SLC30A8: variants seen among roughly 807,000 people sequenced by gnomAD.
The protein encoded by SLC30A8 is solute carrier family 30 member 8.
SLC30A8 carries 27 observed loss-of-function variants against 36.9 expected under a neutral mutation model. The observed-to-expected ratio is 0.73, with a 90% CI of 0.54 to 1.01. The LOEUF is 1.01. SLC30A8 is among the 50% of genes least tolerant of loss of function. The probability of loss-of-function intolerance (pLI) is 0.00; values close to 1 mark genes in which losing one functional copy is unlikely to be tolerated. For missense variants in SLC30A8, 439 were observed against 452.0 expected (o/e 0.97, Z 0.26); for synonymous variants, 164 against 172.4 (o/e 0.95, Z 0.38).
At chr8:117,158,410 T>A (rs1244995903) in intron 4 of SLC30A8, among the ~76,000 whole-genome samples, 1 of 152,226 alleles carries the variant, frequency 6.6e-6, no homozygotes, top group Non-Finnish European at 1.5e-5. Flanking sequence ...TTGCAACATT[T>A]CCATAAAATG....
chr8:116,951,785 A>T (rs144320755), intron 1 of SLC30A8, among the ~76,000 whole-genome samples: 1 of 151,978 alleles, frequency 6.6e-6, no homozygotes, highest in Non-Finnish European at 1.5e-5. Flanking sequence ...GGTGCCAGCC[A>T]CTGTTCTAGG....
chr8:116,994,061 A>G (rs975906960), intron 1 of SLC30A8, among the ~76,000 whole-genome samples: 1 of 151,998 alleles, frequency 6.6e-6, no homozygotes, highest in African/African-American at 2.4e-5. Context: ...AAAAAAAAGA[A>G]AGAAAAAAAG....
intron 2 of SLC30A8, among the ~76,000 whole-genome samples, chr8:117,087,243 A>G (rs1295822545): frequency 6.6e-6 from 1 of 152,216 alleles, no homozygotes; most frequent in African/African-American, 2.4e-5. Flanking sequence ...CATTAGTAGG[A>G]AAAGAGAAAC....
chr8:116,957,937 C>G (rs752865948), intron 1 of SLC30A8, among the ~76,000 whole-genome samples: 1 of 152,164 alleles, frequency 6.6e-6, no homozygotes, highest in Non-Finnish European at 1.5e-5. Context: ...CTGAGGGCAG[C>G]CCTGTGTCCT....
chr8:116,951,785 A>C lies in SLC30A8; in HGVS notation c.-266+666A>C, dbSNP rs144320755. On this transcript the variant is annotated intron_variant, in intron 1 of 10. Coordinates refer to the SLC30A8 transcript ENST00000427715. The stretch of plus-strand genomic sequence containing the variant: ...TTGTTGTGTCTACGGGGTGCCAGCC[A>C]CTGTTCTAGGTATGTGTTGAGCATC... 6.9e-3 allele frequency among the ~76,000 whole-genome samples: 1,044 copies of C among 152,096 alleles called. 4 individuals carry two copies. Among genetic ancestry groups the C allele is most frequent in the Non-Finnish European group, 0.011 (735 of 67,996 alleles).
intron 1 of SLC30A8, among the ~76,000 whole-genome samples, chr8:116,958,495 T>A (rs1283776654): frequency 6.6e-6 from 1 of 152,204 alleles, no homozygotes; most frequent in Non-Finnish European, 1.5e-5. Flanking sequence ...TTAAAGATGA[T>A]TCTTCACTGT....
At chr8:117,015,547 C>CCG in intron 1 of SLC30A8, among the ~76,000 whole-genome samples, 3 of 141,906 alleles carry the variant, frequency 2.1e-5, no homozygotes, top group Admixed American at 2.1e-4. Flanking sequence ...CCCCCCCCCC[C>CCG]CAAAAAAAAG....
At chr8:117,130,426 T>C (rs1355074007), upstream of SLC30A8, 2 of 151,934 alleles carry the variant, frequency 1.3e-5, no homozygotes, top group African/African-American at 4.8e-5. Flanking sequence ...TTCCCAAAGA[T>C]GAATTATGAT....
intron 1 of SLC30A8, among the ~76,000 whole-genome samples, chr8:117,024,129 G>T (rs750761023): frequency 4.6e-5 from 7 of 152,152 alleles, no homozygotes; most frequent in South Asian, 2.1e-4. Context: ...TTTGCTGTTG[G>T]ATAGATATTG....
intron 2 of SLC30A8, among the ~76,000 whole-genome samples, chr8:117,109,957 C>A (rs537439353): frequency 3.3e-5 from 5 of 152,158 alleles, no homozygotes; most frequent in Non-Finnish European, 7.4e-5. Flanking sequence ...CTTAGAATTA[C>A]GCTTTCTTTA....
chr8:116,972,068 A>T (rs1158155854), intron 1 of SLC30A8, among the ~76,000 whole-genome samples: 1 of 152,234 alleles, frequency 6.6e-6, no homozygotes, highest in Non-Finnish European at 1.5e-5. Flanking sequence ...CTTATTTCAA[A>T]TACTATAAAA....
chr8:117,014,364 A>G (rs1213992125), intron 1 of SLC30A8, among the ~76,000 whole-genome samples: 1 of 152,220 alleles, frequency 6.6e-6, no homozygotes, highest in Non-Finnish European at 1.5e-5. Context: ...TGAGCCTATC[A>G]TCTTTGAGGA....
intron 2 of SLC30A8, among the ~76,000 whole-genome samples, chr8:117,041,643 C>A (rs1256742775): frequency 6.6e-6 from 1 of 151,874 alleles, no homozygotes. Context: ...GAGCTGAGAT[C>A]AGGCCATTGC....
chr8:116,984,710 T>C (rs1049891953), intron 1 of SLC30A8, among the ~76,000 whole-genome samples: 1 of 152,080 alleles, frequency 6.6e-6, no homozygotes, highest in African/African-American at 2.4e-5. Context: ...AACTGCCGAG[T>C]TTTGAGAGCT....
chr8:116,994,055 AAAAG>A (rs943161757), intron 1 of SLC30A8, among the ~76,000 whole-genome samples: 12 of 151,972 alleles, frequency 7.9e-5, no homozygotes, highest in African/African-American at 1.2e-4. Context: ...AAATAAAAAA[AAAAG>A]AAAGAAAAAA....
At chr8:117,068,015 C>G (rs1818219941) in intron 2 of SLC30A8, among the ~76,000 whole-genome samples, 1 of 152,112 alleles carries the variant, frequency 6.6e-6, no homozygotes, top group East Asian at 1.9e-4. Flanking sequence ...CCTTGAAAGA[C>G]TTTGAACAGA....
intron 1 of SLC30A8, among the ~76,000 whole-genome samples, chr8:116,973,110 C>G (rs529008799): frequency 3.9e-5 from 6 of 152,190 alleles, no homozygotes; most frequent in Non-Finnish European, 5.9e-5. Context: ...GAGGACACAA[C>G]AAGAAGATGC....
chr8:117,170,902 C>T, intron 6 of SLC30A8, 132 bp from the exon 7 acceptor site: 1 of 716,640 alleles, frequency 1.4e-6, no homozygotes, highest in Non-Finnish European at 2.3e-6. Context: ...TATTTGTAAA[C>T]ATTTGAAGTA....
intron 2 of SLC30A8, among the ~76,000 whole-genome samples, chr8:117,123,229 T>C (rs997632638): frequency 6.6e-6 from 1 of 151,928 alleles, no homozygotes; most frequent in Non-Finnish European, 1.5e-5. Context: ...ACAGGATGTG[T>C]CTACATTTAA....
Sources: allele counts gnomAD v4.1 joint callset (sites outside exome capture counted in the v4.1 genomes callset), GRCh38; gene constraint gnomAD v4.1.1; transcripts MANE v1.5; gene names NCBI Gene and HGNC (gene_info 2026-07-23, HGNC 2026-07-21).